SCAMP1: variants seen among roughly 807,000 people sequenced by gnomAD.
The protein encoded by SCAMP1 is secretory carrier-associated membrane protein 1.
Under a neutral mutation model 41.8 loss-of-function variants are expected in SCAMP1, and 15 were observed. The ratio of observed to expected loss-of-function variants is 0.36; its 90% CI spans 0.24 to 0.55. The LOEUF (loss-of-function observed/expected upper bound fraction) is 0.55. Among genes scored for constraint, SCAMP1 ranks in the 20% least tolerant of loss-of-function variants. SCAMP1 has a pLI of 0.86. For missense variants in SCAMP1, 341 were observed against 412.6 expected, an observed-to-expected ratio of 0.83 and a Z score of 1.50; for synonymous variants, 135 against 136.8, an observed-to-expected ratio of 0.99 and a Z score of 0.09.
At chr5:78,443,987 T>A (rs77875246) in intron 6 of SCAMP1, among the ~76,000 whole-genome samples, 1 of 152,132 alleles carries the variant, frequency 6.6e-6, no homozygotes, top group African/African-American at 2.4e-5. Flanking sequence ...GACTCTATTA[T>A]AAATTTAGAA....
chr5:78,369,960 T>TC (rs1490956721), intron 1 of SCAMP1, among the ~76,000 whole-genome samples: 1 of 152,240 alleles, frequency 6.6e-6, no homozygotes, highest in Non-Finnish European at 1.5e-5. Flanking sequence ...ATAGCAGTTA[T>TC]CTCACTAGGC....
chr5:78,420,893 T>C (rs751150191), intron 5 of SCAMP1, among the ~76,000 whole-genome samples: 1 of 152,208 alleles, frequency 6.6e-6, no homozygotes, highest in Non-Finnish European at 1.5e-5. Context: ...TCCCAGTTGT[T>C]AATTTTAATT....
At chr5:78,419,896 A>AG (rs1752298888) in intron 5 of SCAMP1, among the ~76,000 whole-genome samples, 2 of 152,188 alleles carry the variant, frequency 1.3e-5, no homozygotes, top group African/African-American at 4.8e-5. Context: ...TTCTTGATCT[A>AG]ATATCTTTTG....
intron 3 of SCAMP1, 124 bp from the exon 4 acceptor site, chr5:78,416,417 C>A: frequency 1.5e-6 from 1 of 647,356 alleles, no homozygotes; most frequent in Non-Finnish European, 2.5e-6. Flanking sequence ...CAGTAAATTC[C>A]TGTACTTTGG....
chr5:78,439,421 ATC>A (rs1326261386), intron 6 of SCAMP1, among the ~76,000 whole-genome samples: 1 of 150,104 alleles, frequency 6.7e-6, no homozygotes, highest in East Asian at 1.9e-4. Context: ...TGATGACAAA[ATC>A]TCTCAGCATT....
chr5:78,468,174 T>C (rs549387080), intron 8 of SCAMP1, among the ~76,000 whole-genome samples: 13 of 152,304 alleles, frequency 8.5e-5, no homozygotes, highest in African/African-American at 3.1e-4. Flanking sequence ...TATGAGATTG[T>C]GCTGTTTGTT....
chr5:78,375,212 A>T (rs1198987982), intron 1 of SCAMP1, among the ~76,000 whole-genome samples: 3 of 152,152 alleles, frequency 2.0e-5, no homozygotes, highest in African/African-American at 7.2e-5. Flanking sequence ...GAGTATTTTA[A>T]TTACATTTTA....
chr5:78,430,122 A>T (rs56942475), intron 6 of SCAMP1, among the ~76,000 whole-genome samples: 1,465 of 16,158 alleles, frequency 0.091, 128 homozygotes, highest in Middle Eastern at 0.25. Context: ...TTATAAATAC[A>T]GTATTTATTT....
In SCAMP1 at chr5:78,476,774, C is replaced by G. The variant is rs549499774; in HGVS notation, c.*1106C>G. The G allele has an allele frequency of 2.0e-5, 3 of 152,308 alleles. No individual in the cohort carries two copies. Among genetic ancestry groups the G allele is most frequent in the Admixed American group, 2.0e-4 (3 of 15,240 alleles). 9.4% of individuals were successfully genotyped at this position (152,308 alleles called of 1,614,324 possible). ...TGCACCTGTCTTTCACTTTTTGAGA[C>G]AGACTGAATATATCTAAAATTTCCA... On this transcript the variant is annotated 3_prime_UTR_variant, in exon 9 of 9. Transcript: ENST00000621999.
chr5:78,450,060 C>T (rs780818786), intron 7 of SCAMP1, 26 bp downstream of exon 7: 1 of 1,206,658 alleles, frequency 8.3e-7, no homozygotes. Context: ...TACTAGTTTT[C>T]AGCTTTAATC....
intron 8 of SCAMP1, among the ~76,000 whole-genome samples, chr5:78,460,816 C>T (rs113935029): frequency 0.39 from 10,134 of 26,228 alleles, 2,742 homozygotes; most frequent in East Asian, 0.78. Flanking sequence ...TCCCTTCCTT[C>T]CTTCCTTTCT....
At chr5:78,452,175 GTTTTC>G (rs1014222323) in intron 7 of SCAMP1, among the ~76,000 whole-genome samples, 5 of 150,414 alleles carry the variant, frequency 3.3e-5, no homozygotes, top group African/African-American at 5.0e-5. Flanking sequence ...TGCACATTTA[GTTTTC>G]TTTTCTTTTT....
At chr5:78,468,456 G>T (rs1330413509) in intron 8 of SCAMP1, among the ~76,000 whole-genome samples, 2 of 152,130 alleles carry the variant, frequency 1.3e-5, no homozygotes, top group Admixed American at 1.3e-4. Context: ...GGAGACTATG[G>T]ATCAGGGAAT....
chr5:78,458,061 C>G (rs1753477366), intron 7 of SCAMP1: 1 of 153,264 alleles, frequency 6.5e-6, no homozygotes, highest in Admixed American at 6.5e-5. Context: ...GGTGCGCGCA[C>G]CCACTGACCT....
chr5:78,475,106 TA>T (rs1753974520), intron 8 of SCAMP1, among the ~76,000 whole-genome samples: 1 of 152,312 alleles, frequency 6.6e-6, no homozygotes, highest in Middle Eastern at 3.4e-3. Flanking sequence ...TGGAAATAGA[TA>T]AGGTACTGTT....
At chr5:78,461,294 T>G (rs1233761560) in intron 8 of SCAMP1, among the ~76,000 whole-genome samples, 1 of 152,190 alleles carries the variant, frequency 6.6e-6, no homozygotes, top group Non-Finnish European at 1.5e-5. Context: ...TCTTCTAGGA[T>G]TTTTGTAGTT....
chr5:78,471,755 G>C (rs59498644), intron 8 of SCAMP1, among the ~76,000 whole-genome samples: 3 of 152,018 alleles, frequency 2.0e-5, no homozygotes, highest in Non-Finnish European at 2.9e-5. Context: ...GTGACACTTC[G>C]GCAGATACTT....
chr5:78,476,970 CAA>C lies in SCAMP1; in HGVS notation c.*1304_*1305del, dbSNP rs1469477976. On this transcript the variant is annotated 3_prime_UTR_variant, in exon 9 of 9. Coordinates refer to ENST00000621999, the MANE Select transcript of SCAMP1 (RefSeq NM_004866.6). ...TTTACCACTGATTAAATAAATGACT[CAA>C]AGACATCTGTAAGTCATGCTGCTGT... 5 of 152,060 alleles carry C rather than the reference CAA, an allele frequency of 3.3e-5. No homozygotes were observed. The highest frequency in any genetic ancestry group is 9.7e-5 in the African/African-American group (4 of 41,402). 9.4% of individuals were successfully genotyped at this position (152,060 alleles called of 1,614,324 possible).
At chr5:78,452,284 C>T (rs904970627) in intron 7 of SCAMP1, among the ~76,000 whole-genome samples, 1 of 147,900 alleles carries the variant, frequency 6.8e-6, no homozygotes, top group African/African-American at 2.5e-5. Context: ...GCTGCACCCA[C>T]TAACTCGTCA....
Sources: gnomAD v4.1 joint callset for allele counts (sites outside exome capture counted in the v4.1 genomes callset) on GRCh38, gnomAD v4.1.1 for gene constraint, MANE v1.5 for transcripts, NCBI Gene and HGNC (gene_info 2026-07-23, HGNC 2026-07-21) for gene names.